The following MAF variants were observed in gnomAD, a reference collection of about 807,000 sequenced individuals.
The protein encoded by MAF is transcription factor Maf.
A neutral mutation model predicts 22.0 loss-of-function variants in MAF; 10 were observed. The observed-to-expected ratio is 0.45, with a 90% CI of 0.28 to 0.77. The LOEUF (loss-of-function observed/expected upper bound fraction) is 0.77, where lower values mean the gene tolerates loss of function less well. Among genes scored for constraint, MAF ranks in the 30% least tolerant of loss-of-function variants. The pLI is 0.12. For synonymous variants in MAF, 337 were observed against 255.8 expected, an observed-to-expected ratio of 1.32 and a Z score of -3.03; for missense variants, 544 against 548.4, an observed-to-expected ratio of 0.99 and a Z score of 0.08.
chr16:79,356,351 G>C, the MAF span, among the ~76,000 whole-genome samples: 2 of 152,080 alleles, frequency 1.3e-5, no homozygotes, highest in Non-Finnish European at 2.9e-5. Context: ...TCATCATCTC[G>C]GGTGTCATGA....
At chr16:79,311,850 C>T in the MAF span, among the ~76,000 whole-genome samples, 4 of 152,248 alleles carry the variant, frequency 2.6e-5, no homozygotes, top group South Asian at 8.3e-4. Context: ...ACGGAGTGAA[C>T]GCATCCCTGA....
At chr16:79,228,972 T>G in the MAF span, among the ~76,000 whole-genome samples, 1 of 151,638 alleles carries the variant, frequency 6.6e-6, no homozygotes. Context: ...AAGATGGGCT[T>G]TCATCGTTAA....
chr16:79,400,943 G>A, the MAF span, among the ~76,000 whole-genome samples: 2 of 152,274 alleles, frequency 1.3e-5, no homozygotes, highest in African/African-American at 4.8e-5. Flanking sequence ...GTCACAGGGA[G>A]AGGCATGATA....
At chr16:79,255,763 G>A in the MAF span, among the ~76,000 whole-genome samples, 1 of 152,146 alleles carries the variant, frequency 6.6e-6, no homozygotes, top group East Asian at 1.9e-4. Flanking sequence ...GATGACCTGG[G>A]AGATGGTGGC....
chr16:79,428,849 AAAT>A, the MAF span, among the ~76,000 whole-genome samples: 11 of 146,638 alleles, frequency 7.5e-5, no homozygotes, highest in South Asian at 1.4e-3. Context: ...TGTCTCAGAA[AAAT>A]AATAATAATA....
At chr16:79,206,623 C>A in the MAF span, 16 of 152,290 alleles carry the variant, frequency 1.1e-4, no homozygotes, top group African/African-American at 3.9e-4. Context: ...CTGAAAAAGC[C>A]GGGCAGTTTG....
At chr16:79,299,467 G>T in the MAF span, among the ~76,000 whole-genome samples, 1 of 152,202 alleles carries the variant, frequency 6.6e-6, no homozygotes, top group African/African-American at 2.4e-5. Flanking sequence ...GCCAGGCCTG[G>T]GCGCAAACTG....
At chr16:79,474,865 G>C in the MAF span, among the ~76,000 whole-genome samples, 16 of 152,232 alleles carry the variant, frequency 1.1e-4, no homozygotes, top group African/African-American at 3.9e-4. Context: ...ACTGTATCAG[G>C]AGAGATCTAA....
chr16:79,244,180 G>A, the MAF span, among the ~76,000 whole-genome samples: 1 of 151,914 alleles, frequency 6.6e-6, no homozygotes, highest in Non-Finnish European at 1.5e-5. Flanking sequence ...CTCTCTCATT[G>A]CTCCTATTCA....
At chr16:79,559,333 G>T in the MAF span, among the ~76,000 whole-genome samples, 145 of 152,260 alleles carry the variant, frequency 9.5e-4, no homozygotes, top group African/African-American at 3.3e-3. Context: ...GAACGAAAAG[G>T]CCCCAGTTAT....
chr16:79,339,332 T>G, the MAF span, among the ~76,000 whole-genome samples: 1 of 152,202 alleles, frequency 6.6e-6, no homozygotes, highest in Admixed American at 6.5e-5. Context: ...GTGCTGGGAT[T>G]ACAGGCGTGA....
chr16:79,476,423 T>G, the MAF span, among the ~76,000 whole-genome samples: 1 of 152,208 alleles, frequency 6.6e-6, no homozygotes, highest in Non-Finnish European at 1.5e-5. Flanking sequence ...TTACATATGT[T>G]TAAATTTTTC....
At chr16:79,314,438 G>A in the MAF span, among the ~76,000 whole-genome samples, 1 of 152,192 alleles carries the variant, frequency 6.6e-6, no homozygotes, top group Non-Finnish European at 1.5e-5. Flanking sequence ...TTGCAGTGAG[G>A]CAGCTGGCCA....
the MAF span, among the ~76,000 whole-genome samples, chr16:79,540,997 T>G: frequency 6.6e-6 from 1 of 151,834 alleles, no homozygotes; most frequent in Non-Finnish European, 1.5e-5. Context: ...TTACTACAAC[T>G]GCTATTTTTA....
At chr16:79,357,320 G>T in the MAF span, among the ~76,000 whole-genome samples, 32 of 148,988 alleles carry the variant, frequency 2.1e-4, no homozygotes, top group Non-Finnish European at 3.6e-4. Context: ...TGTGGTGGCG[G>T]GCGCCTGTAA....
the MAF span, among the ~76,000 whole-genome samples, chr16:79,557,716 A>G: frequency 2.6e-5 from 4 of 151,960 alleles, no homozygotes; most frequent in African/African-American, 9.7e-5. Context: ...TCCAAAGACA[A>G]AGTTCATGTG....
the MAF span, among the ~76,000 whole-genome samples, chr16:79,474,752 A>T: frequency 5.9e-5 from 9 of 152,066 alleles, no homozygotes; most frequent in Non-Finnish European, 1.3e-4. Context: ...CATGACCCAG[A>T]CCTACTTTTT....
the MAF span, among the ~76,000 whole-genome samples, chr16:79,455,488 C>T: frequency 7.4e-3 from 1,132 of 152,146 alleles, 8 homozygotes; most frequent in African/African-American, 0.026. Context: ...GATTGAGAAG[C>T]GCACAAATGG....
the MAF span, among the ~76,000 whole-genome samples, chr16:79,560,760 T>C: frequency 3.3e-5 from 5 of 152,206 alleles, no homozygotes; most frequent in African/African-American, 7.2e-5. Flanking sequence ...CCACTGCCTA[T>C]TCTTCTGAAA....
Sources: allele counts gnomAD v4.1 joint callset (sites outside exome capture counted in the v4.1 genomes callset), GRCh38; gene constraint gnomAD v4.1.1; transcripts MANE v1.5; gene names NCBI Gene and HGNC (gene_info 2026-07-23, HGNC 2026-07-21).